The following PHLDB2 variants were observed in gnomAD, a reference collection of about 807,000 sequenced individuals.
The protein encoded by PHLDB2 is pleckstrin homology like domain family B member 2.
Under a neutral mutation model 123.6 loss-of-function variants are expected in PHLDB2, and 71 were observed. That is an observed-to-expected ratio of 0.57 (90% CI 0.47 to 0.70). The LOEUF (loss-of-function observed/expected upper bound fraction) is 0.70. Ranked by LOEUF, PHLDB2 falls within the 30% of genes least tolerant of loss-of-function variation. PHLDB2 has a pLI of 0.00. For missense variants in PHLDB2, 1,446 were observed against 1,519.5 expected (o/e 0.95, Z 0.80); for synonymous variants, 547 against 541.6 (o/e 1.01, Z -0.14).
At chr3:111,798,044 A>G (rs6791173) in intron 1 of PHLDB2, among the ~76,000 whole-genome samples, 13,573 of 152,152 alleles carry the variant, frequency 0.089, 1,284 homozygotes, top group African/African-American at 0.24. Flanking sequence ...TGAGGTGGGA[A>G]GATCCTTTAA....
chr3:111,906,853 A>G (rs1308384035), intron 2 of PHLDB2, among the ~76,000 whole-genome samples: 1 of 152,192 alleles, frequency 6.6e-6, no homozygotes, highest in Admixed American at 6.5e-5. Context: ...TTTCCAGCTC[A>G]GCCCTACTGA....
At chr3:111,768,997 C>A (rs1199382227) in intron 1 of PHLDB2, among the ~76,000 whole-genome samples, 5 of 152,150 alleles carry the variant, frequency 3.3e-5, no homozygotes, top group African/African-American at 1.2e-4. Flanking sequence ...GAAAACAATG[C>A]CTTTAGTGAA....
At chr3:111,798,108 T>A (rs1212461791) in intron 1 of PHLDB2, among the ~76,000 whole-genome samples, 2 of 152,168 alleles carry the variant, frequency 1.3e-5, no homozygotes, top group Admixed American at 1.3e-4. Flanking sequence ...CACTCCATCC[T>A]GGGTGACACA....
intron 10 of PHLDB2, chr3:111,949,979 G>A (rs2070600192): frequency 1.9e-5 from 17 of 914,306 alleles, no homozygotes; most frequent in Non-Finnish European, 2.2e-5. Flanking sequence ...TTTCCCAAAG[G>A]CATTTTTAAA....
intron 1 of PHLDB2, among the ~76,000 whole-genome samples, chr3:111,880,465 A>G (rs993351199): frequency 6.6e-6 from 1 of 152,134 alleles, no homozygotes; most frequent in Non-Finnish European, 1.5e-5. Flanking sequence ...AGTGGAACCA[A>G]TCCAGGAAAA....
intron 12 of PHLDB2, chr3:111,958,212 A>G (rs1459973260): frequency 1.1e-6 from 1 of 945,602 alleles, no homozygotes; most frequent in African/African-American, 1.8e-5. Flanking sequence ...TTCTACAATC[A>G]TTCTCCCTCT....
chr3:111,932,531 TG>T (rs1340029970), intron 6 of PHLDB2, 134 bp downstream of exon 6: 2 of 874,568 alleles, frequency 2.3e-6, no homozygotes, highest in Admixed American at 6.3e-5. Context: ...TACGTTTAAA[TG>T]GAAATATGCA....
intron 1 of PHLDB2, chr3:111,859,831 G>GGGCGGC: frequency 1.0e-6 from 1 of 985,940 alleles, no homozygotes; most frequent in Non-Finnish European, 1.2e-6. Context: ...CTAGGCGCTA[G>GGGCGGC]GGCGGCGGCG....
chr3:111,815,085 T>C (rs1559845958), intron 1 of PHLDB2, among the ~76,000 whole-genome samples: 1 of 152,148 alleles, frequency 6.6e-6, no homozygotes, highest in Non-Finnish European at 1.5e-5. Context: ...CTGCCATCCA[T>C]GTAAGATATG....
chr3:111,905,430 C>T (rs2067454389), intron 2 of PHLDB2, among the ~76,000 whole-genome samples: 1 of 149,040 alleles, frequency 6.7e-6, no homozygotes, highest in Non-Finnish European at 1.5e-5. Context: ...GATCTCGGCT[C>T]ACTGTAGTCT....
intron 1 of PHLDB2, among the ~76,000 whole-genome samples, chr3:111,805,051 T>C (rs1297835294): frequency 1.3e-5 from 2 of 151,866 alleles, no homozygotes; most frequent in Admixed American, 6.5e-5. Flanking sequence ...TCAACCTCAG[T>C]CACTTTGGAG....
At chr3:111,885,951 T>A (rs1330383695) in intron 2 of PHLDB2, among the ~76,000 whole-genome samples, 1 of 152,250 alleles carries the variant, frequency 6.6e-6, no homozygotes, top group Non-Finnish European at 1.5e-5. Flanking sequence ...CTGATTCTTA[T>A]CACGTACAGT....
At chr3:111,886,284 A>G (rs912608783) in intron 2 of PHLDB2, among the ~76,000 whole-genome samples, 6 of 152,242 alleles carry the variant, frequency 3.9e-5, no homozygotes, top group African/African-American at 1.4e-4. Context: ...ATTCTAGAAT[A>G]TGATTTTTGA....
At chr3:111,857,477 A>C (rs1054822744), upstream of PHLDB2, among the ~76,000 whole-genome samples, 3 of 25,146 alleles carry the variant, frequency 1.2e-4, no homozygotes, top group African/African-American at 2.4e-4. Flanking sequence ...AAAGAAAAGA[A>C]AAAAAAATTC....
chr3:111,751,947 T>C (rs2059785029), intron 1 of PHLDB2, among the ~76,000 whole-genome samples: 1 of 152,146 alleles, frequency 6.6e-6, no homozygotes, highest in African/African-American at 2.4e-5. Flanking sequence ...ATTCAGATGC[T>C]TATTAGATTG....
At chr3:111,849,869 C>CT (rs200384588) in intron 2 of PHLDB2, among the ~76,000 whole-genome samples, 1,932 of 148,968 alleles carry the variant, frequency 0.013, 69 homozygotes, top group East Asian at 0.077. Flanking sequence ...GGCCATTATT[C>CT]TTTTTTTTTT....
chr3:111,898,182 TTGTGTGTG>T lies in PHLDB2; in HGVS notation c.1335+12788_1335+12795del, dbSNP rs58183787. ...TTTCTTTGTGTGTGTGTGTGTGTGT[TTGTGTGTG>T]TGTGTGTGTGTGTGTGTCTTGCTCT... On this transcript the variant is annotated intron_variant, in intron 2 of 17. Coordinates refer to ENST00000431670, the MANE Select transcript of PHLDB2 (RefSeq NM_001134438.2). Among the ~76,000 whole-genome samples, 635 of 142,654 alleles carry T rather than the reference TTGTGTGTG, an allele frequency of 4.5e-3. 4 individuals are homozygous for T. Among genetic ancestry groups the T allele is most frequent in the African/African-American group, 0.016 (612 of 37,268 alleles). 93.6% of individuals were successfully genotyped at this position (142,654 alleles called of 152,430 possible). A position where few individuals can be genotyped will look rare whatever the true frequency, so the allele number is the denominator to read the frequency against.
At chr3:111,865,577 C>G (rs747678749) in intron 1 of PHLDB2, among the ~76,000 whole-genome samples, 3 of 152,238 alleles carry the variant, frequency 2.0e-5, no homozygotes, top group Non-Finnish European at 4.4e-5. Flanking sequence ...GGAGAAACTC[C>G]TGTTGAAACA....
rs2107704467 is a variant in PHLDB2 at position 111,976,153 on chromosome 3, G to T, written c.*1590G>T. The T allele has an allele frequency of 6.6e-6, 1 of 152,618 alleles. No individual in the cohort carries two copies. The highest frequency in any genetic ancestry group is 2.4e-5 in the African/African-American group (1 of 41,536). 9.5% of individuals were successfully genotyped at this position (152,618 alleles called of 1,614,324 possible). ...TTTTCTGCACTGTACTCTCTTCATA[G>T]GATTGTAAAGGTGTTCTAATCCAAT... On this transcript the variant is annotated 3_prime_UTR_variant, in exon 18 of 18. Transcript: ENST00000431670.
Sources: gnomAD v4.1 joint callset for allele counts (sites outside exome capture counted in the v4.1 genomes callset) on GRCh38, gnomAD v4.1.1 for gene constraint, MANE v1.5 for transcripts, NCBI Gene and HGNC (gene_info 2026-07-23, HGNC 2026-07-21) for gene names.